Variants in TYRP1 observed in about 807,000 individuals in gnomAD.
TYRP1 encodes 5,6-dihydroxyindole-2-carboxylic acid oxidase.
A neutral mutation model predicts 42.8 loss-of-function variants in TYRP1; 49 were observed. The observed-to-expected ratio is 1.14, with a 90% confidence interval of 0.91 to 1.45. The LOEUF (loss-of-function observed/expected upper bound fraction) is 1.45. Ranked by LOEUF, TYRP1 falls within the 40% of genes most tolerant of loss-of-function variation. The pLI is 0.00. For synonymous variants in TYRP1, 279 were observed against 235.4 expected, an observed-to-expected ratio of 1.19 and a Z score of -1.69; for missense variants, 848 against 662.0, an observed-to-expected ratio of 1.28 and a Z score of -3.08.
chr9:12,704,784 C>T, intron 6 of TYRP1, 79 bp downstream of exon 6: 1 of 1,391,614 alleles, frequency 7.2e-7, no homozygotes, highest in Non-Finnish European at 1.0e-6. Flanking sequence ...TCAAGCTGAG[C>T]ACTCAGCGCA....
chr9:12,694,993 T>C lies in TYRP1; in HGVS notation c.386-522T>C, dbSNP rs144311300. ...ACATGTATTGAGTCCTTACTATGAGTTAGGCCTTGGGCTAATTGCTTTTTA... is the reference window on the plus strand; with the variant it reads ...ACATGTATTGAGTCCTTACTATGAGCTAGGCCTTGGGCTAATTGCTTTTTA... On this transcript the variant is annotated intron_variant, in intron 2 of 7. Coordinates refer to ENST00000388918, the MANE Select transcript of TYRP1 (RefSeq NM_000550.3). Among the ~76,000 whole-genome samples, 390 of 152,290 alleles carry C rather than the reference T, an allele frequency of 2.6e-3. 2 individuals are homozygous for C. Among genetic ancestry groups the C allele is most frequent in the African/African-American group, 8.6e-3 (356 of 41,552 alleles).
rs181755026 is a variant in TYRP1 at position 12,709,139 on chromosome 9, A to C, written c.1571A>C (p.Glu524Ala). 44 of 1,612,654 alleles carry C rather than the reference A, an allele frequency of 2.7e-5. No homozygotes were observed. In the East Asian group the frequency reaches 9.6e-4, roughly 35 times the overall value. Reference protein sequence around the residue: ...LLTDQYQCYAEEYEKLQNPNQ... With the variant: ...LLTDQYQCYAAEYEKLQNPNQ... The stretch of plus-strand genomic sequence containing the variant: ...ACTGATCAGTATCAATGCTATGCTG[A>C]AGAATATGAAAAACTCCAGAATCCT... Residue 524 changes from glutamate (E) to alanine (A), a missense_variant, in exon 8 of 8, where the codon GAA becomes GCA. Physicochemically the swap from Glu to Ala is moderately radical, Grantham distance 107. Coordinates refer to ENST00000388918, the MANE Select transcript of TYRP1 (RefSeq NM_000550.3).
intron 3 of TYRP1, 132 bp from the exon 4 acceptor site, chr9:12,698,319 C>A: frequency 1.1e-6 from 1 of 875,592 alleles, no homozygotes; most frequent in Non-Finnish European, 1.9e-6. Context: ...CCCTCAGACA[C>A]CGTTGATATA....
intron 4 of TYRP1, chr9:12,701,822 G>GT (rs59308154): frequency 0.44 from 67,573 of 153,464 alleles, 17,885 homozygotes; most frequent in Non-Finnish European, 0.61. Context: ...AAATGTAAGG[G>GT]TTTTTTTTTC....
chr9:12,695,283 A>G (rs1818057266), intron 2 of TYRP1, among the ~76,000 whole-genome samples: 1 of 152,206 alleles, frequency 6.6e-6, no homozygotes. Context: ...AGATTAAAGA[A>G]AGGTAATATA....
intron 6 of TYRP1, among the ~76,000 whole-genome samples, chr9:12,706,752 A>G (rs1377778283): frequency 1.3e-5 from 2 of 152,024 alleles, no homozygotes; most frequent in African/African-American, 4.8e-5. Flanking sequence ...ACTGTGAAGA[A>G]GAGAAAGAAA....
At chr9:12,693,550 T>G (rs1259922899) in intron 1 of TYRP1, 72 bp downstream of exon 1, 1 of 186,212 alleles carries the variant, frequency 5.4e-6, no homozygotes, top group African/African-American at 2.4e-5. Flanking sequence ...GGACTTTAAA[T>G]CACAGAAATT....
At position 12,698,518 on chromosome 9, in the gene TYRP1, A is replaced by G. The variant is rs1160439323; in HGVS notation, c.776A>G (p.Asp259Gly). 1.2e-6 allele frequency: 2 copies of G among 1,613,754 alleles called. No homozygotes were observed. The highest frequency in any genetic ancestry group is 4.5e-5 in the East Asian group (2 of 44,868). ...TTTGCAACGGGGAAAAATGTCTGTG[A>G]TATCTGCACGGATGACTTGATGGGA... The part of the protein sequence containing the change: ...WNFATGKNVC[D>G]ICTDDLMGSR... Residue 259 changes from aspartate (D) to glycine (G), a missense_variant, in exon 4 of 8, where the codon GAT becomes GGT. Coordinates refer to ENST00000388918, the MANE Select transcript of TYRP1 (RefSeq NM_000550.3).
intron 6 of TYRP1, 21 bp downstream of exon 6, chr9:12,704,726 T>C (rs758161568): frequency 1.9e-6 from 3 of 1,608,610 alleles, no homozygotes; most frequent in South Asian, 2.2e-5. Flanking sequence ...TTCATATGCC[T>C]TTTGCATGCT....
Position 12,704,656 on chromosome 9 carries a change from C to T in TYRP1, c.1212C>T (p.His404=). Residue 404 remains histidine (H), a synonymous_variant, in exon 6 of 8, where the codon CAC becomes CAT. Transcript: ENST00000388918. ...SPNDPIFVLL[H]TFTDAVFDEW... is the part of the protein sequence containing the mutation. ...ATGATCCTATTTTTGTCCTCCTGCA[C>T]ACCTTCACAGATGCAGTCTTTGATG... 2.5e-6 allele frequency: 4 copies of T among 1,613,128 alleles called. No individual in the cohort carries two copies. Among genetic ancestry groups the T allele is most frequent in the Non-Finnish European group, 3.4e-6 (4 of 1,179,438 alleles).
chr9:12,703,923 G>C (rs28506779), intron 5 of TYRP1, among the ~76,000 whole-genome samples: 1 of 146,074 alleles, frequency 6.8e-6, no homozygotes, highest in South Asian at 2.1e-4. Flanking sequence ...ATATGTGTGT[G>C]TATATGTATA....
At chr9:12,703,059 G>A (rs55887112) in intron 5 of TYRP1, among the ~76,000 whole-genome samples, 3 of 151,878 alleles carry the variant, frequency 2.0e-5, no homozygotes, top group Admixed American at 6.6e-5. Context: ...CTAACAGAGC[G>A]TAGGTTCAAA....
chr9:12,701,451 C>T (rs183335590), intron 4 of TYRP1, among the ~76,000 whole-genome samples: 283 of 151,870 alleles, frequency 1.9e-3, no homozygotes, highest in African/African-American at 6.4e-3. Flanking sequence ...TTTTTTGTTA[C>T]AGATAGGGGG....
Position 12,693,977 on chromosome 9 carries a change from G to A in TYRP1, c.-20G>A, listed in dbSNP as rs763076300. The A allele has an allele frequency of 1.2e-6, 2 of 1,613,320 alleles. No homozygotes were observed. Among genetic ancestry groups the A allele is most frequent in the East Asian group, 2.2e-5 (1 of 44,846 alleles). On this transcript the variant is annotated 5_prime_UTR_variant, in exon 2 of 8. Coordinates refer to ENST00000388918, the MANE Select transcript of TYRP1 (RefSeq NM_000550.3). ...GAGCTGCAAACCAGGTCTTTGTTTTGCACTCTTATTTCAAGCAGAATGAGT... is the reference window on the plus strand; with the variant it reads ...GAGCTGCAAACCAGGTCTTTGTTTTACACTCTTATTTCAAGCAGAATGAGT...
chr9:12,697,364 G>A (rs918652214), intron 3 of TYRP1, among the ~76,000 whole-genome samples: 1 of 152,088 alleles, frequency 6.6e-6, no homozygotes, highest in Non-Finnish European at 1.5e-5. Context: ...AATGTCAGTT[G>A]CTGAACCACA....
intron 4 of TYRP1, among the ~76,000 whole-genome samples, chr9:12,701,262 A>G (rs185997241): frequency 1.3e-3 from 194 of 151,660 alleles, no homozygotes; most frequent in Non-Finnish European, 1.9e-3. Flanking sequence ...TTTCTTTCCT[A>G]CAGTCCACTA....
intron 3 of TYRP1, among the ~76,000 whole-genome samples, chr9:12,696,763 TTTAAG>T (rs1427898893): frequency 6.6e-6 from 1 of 152,156 alleles, no homozygotes; most frequent in Non-Finnish European, 1.5e-5. Context: ...AAAATAAAAG[TTTAAG>T]TTGTTAGATC....
intron 4 of TYRP1, chr9:12,700,750 T>C (rs945758195): frequency 2.1e-4 from 32 of 152,090 alleles, no homozygotes; most frequent in African/African-American, 7.7e-4. Flanking sequence ...AAGTAATTAA[T>C]ATTTGTTTCT....
At chr9:12,707,936 A>G in intron 6 of TYRP1, 61 bp from the exon 7 acceptor site, 1 of 1,511,074 alleles carries the variant, frequency 6.6e-7, no homozygotes, top group Non-Finnish European at 9.0e-7. Context: ...TTAGAACTCA[A>G]TAATGATAGG....
Sources: gnomAD v4.1 joint callset for allele counts (sites outside exome capture counted in the v4.1 genomes callset) on GRCh38, gnomAD v4.1.1 for gene constraint, MANE v1.5 for transcripts, NCBI Gene and HGNC (gene_info 2026-07-23, HGNC 2026-07-21) for gene names.